MOV10: variants seen among roughly 807,000 people sequenced by gnomAD.
The protein encoded by MOV10 is RNA helicase MOV-10.
MOV10 carries 39 observed loss-of-function variants against 108.4 expected under a neutral mutation model. That is an observed-to-expected ratio of 0.36 (90% CI 0.28 to 0.47). The LOEUF is 0.47. Ranked by LOEUF, MOV10 falls within the 20% of genes least tolerant of loss-of-function variation. MOV10 has a pLI of 1.00. For synonymous variants in MOV10, 490 were observed against 523.1 expected, an observed-to-expected ratio of 0.94 and a Z score of 0.86; for missense variants, 952 against 1,297.6, an observed-to-expected ratio of 0.73 and a Z score of 4.09.
intron 17 of MOV10, chr1:112,699,067 T>G: frequency 2.4e-6 from 1 of 422,526 alleles, no homozygotes; most frequent in Non-Finnish European, 4.3e-6. Flanking sequence ...CCAAATTCCG[T>G]GGCCTGTCAT....
At position 112,675,157 on chromosome 1, in the gene MOV10, C is replaced by T. The variant is rs557989467; in HGVS notation, c.137+108C>T. ...CCGGGGCGCAGAGGGACGCAGCTCCCCCAGCGGCTCAGGCCAGTCCCGGGG... is the reference window on the plus strand; with the variant it reads ...CCGGGGCGCAGAGGGACGCAGCTCCTCCAGCGGCTCAGGCCAGTCCCGGGG... On this transcript the variant is annotated intron_variant, in intron 2 of 20. Transcript: ENST00000369645. This position sits in a 1 kb window ranked among gnomAD's most constrained non-coding sequence, Gnocchi z 4.7. The T allele has an allele frequency of 1.7e-3, 2,282 of 1,358,874 alleles. 39 individuals carry two copies. The African/African-American group carries it at 0.029, about 17-fold the overall frequency. The allele number at this position is 1,358,874 out of a possible 1,614,324, so 84.2% of individuals were successfully genotyped here.
chr1:112,697,737 G>T, intron 14 of MOV10: 1 of 391,658 alleles, frequency 2.6e-6, no homozygotes, highest in Middle Eastern at 7.4e-4. Flanking sequence ...ACCTGAAAAT[G>T]GGCCCCTAAT....
chr1:112,686,376 C>T, intron 2 of MOV10, among the ~76,000 whole-genome samples: 1 of 152,114 alleles, frequency 6.6e-6, no homozygotes, highest in East Asian at 1.9e-4. Context: ...GATTTCAGTC[C>T]CTGTATTACT....
In MOV10 at chr1:112,694,374, G is replaced by T; in HGVS notation, c.1296-79G>T. ...CTTGGAAAGAGGGGTTGGGACACTG[G>T]TTGGTGGAGAAAGTTCTGGCCCTTT... On this transcript the variant is annotated intron_variant, in intron 8 of 20. Coordinates refer to ENST00000369645, the MANE Select transcript of MOV10 (RefSeq NM_001321324.2). This position sits in a 1 kb window ranked among gnomAD's most constrained non-coding sequence, Gnocchi z 4.1. The T allele has an allele frequency of 6.4e-7, 1 of 1,569,112 alleles. No homozygotes were observed.
In MOV10 at chr1:112,699,928, T is replaced by C. The variant is rs1674491661; in HGVS notation, c.2744T>C (p.Leu915Pro). 2 of 1,614,224 alleles carry C rather than the reference T, an allele frequency of 1.2e-6. No individual in the cohort carries two copies. Among genetic ancestry groups the C allele is most frequent in the Non-Finnish European group, 1.7e-6 (2 of 1,180,026 alleles). The stretch of plus-strand genomic sequence containing the variant: ...GTAGCTGTGACCCGGGCCAAGGCCC[T>C]GCTCATCATCGTGGGGAACCCCCTT... Reference protein sequence around the residue: ...FNVAVTRAKALLIIVGNPLLL... With the variant: ...FNVAVTRAKAPLIIVGNPLLL... The change falls in exon 19 of 21, where the codon CTG (leucine) becomes CCG (proline). Residue 915 changes from leucine (L) to proline (P), a missense_variant. Around this residue, in one of 5 missense-constraint regions of MOV10, gnomAD observed 65 missense variants for 124.3 expected, o/e 0.52. Transcript: ENST00000369645.
Position 112,694,442 on chromosome 1 carries a change from T to C in MOV10, c.1296-11T>C. On this transcript the variant is annotated splice_polypyrimidine_tract_variant and intron_variant, in intron 8 of 20. Transcript: ENST00000369645. This position sits in a 1 kb window ranked among gnomAD's most constrained non-coding sequence, Gnocchi z 4.1. ...CCCCAACAAACTCTTACCACCTCTCTCTGCCCAAAGCCTCCTGAGCCGCTT... is the reference window on the plus strand; with the variant it reads ...CCCCAACAAACTCTTACCACCTCTCCCTGCCCAAAGCCTCCTGAGCCGCTT... 6.2e-7 allele frequency: 1 copy of C among 1,613,870 alleles called. No individual in the cohort carries two copies. The highest frequency in any genetic ancestry group is 8.5e-7 in the Non-Finnish European group (1 of 1,180,006).
chr1:112,700,057 C>T (rs1055509296), intron 19 of MOV10, 75 bp downstream of exon 19: 13 of 1,590,870 alleles, frequency 8.2e-6, no homozygotes, highest in Non-Finnish European at 1.1e-5. Flanking sequence ...TTTTTAAGCG[C>T]TTGCTTATCG....
rs200470042 is a variant in MOV10 at position 112,689,950 on chromosome 1, G to A, written c.688G>A (p.Gly230Ser). 6 of 1,614,040 alleles carry A rather than the reference G, an allele frequency of 3.7e-6. No individual in the cohort carries two copies. The highest frequency in any genetic ancestry group is 2.2e-5 in the East Asian group (1 of 44,894). The change falls in exon 5 of 21, where the codon GGC becomes AGC. Residue 230 changes from glycine to serine, a missense_variant. Transcript: ENST00000369645. ...TGGGGAGTCGGGTTCAGAAGGAGCC[G>A]GCACATTCTACATTGCCCGCTTCTT... ...GPGESGSEGA[G>S]TFYIARFLAA...
At chr1:112,685,498 T>G (rs1468137564) in intron 2 of MOV10, among the ~76,000 whole-genome samples, 2 of 151,504 alleles carry the variant, frequency 1.3e-5, no homozygotes, top group East Asian at 3.9e-4. Flanking sequence ...CTACTAAAAA[T>G]AGAAAAATTA....
Position 112,680,517 on chromosome 1 carries a change from G to A in MOV10, c.137+5468G>A, listed in dbSNP as rs187303158. Among the ~76,000 whole-genome samples, 300 of 151,236 alleles carry A rather than the reference G, an allele frequency of 2.0e-3. 3 individuals are homozygous for A. The highest frequency in any genetic ancestry group is 0.013 in the Admixed American group (195 of 15,216). On this transcript the variant is annotated intron_variant, in intron 2 of 20. Coordinates refer to ENST00000369645, the MANE Select transcript of MOV10 (RefSeq NM_001321324.2). ...TAAAAATACAAAAAATTAGCTGGGC[G>A]TGGTGGCGGGCGCCTGTAGTCCCAG... is the stretch of plus-strand genomic sequence containing the variant.
Position 112,699,708 on chromosome 1 carries a change from A to T in MOV10, c.2607A>T (p.Gln869His). ...DLKVGSVEEF[Q>H]GQERSVILIS... ...AGGTGGGTTCAGTAGAAGAATTCCA[A>T]GGCCAAGAACGAAGCGTCATCCTCA... Residue 869 changes from glutamine to histidine, a missense_variant, in exon 18 of 21, where the codon CAA becomes CAT. This residue lies in a region of MOV10 where 453 missense variants were observed against 611.5 expected (regional missense o/e 0.74). Transcript: ENST00000369645. 1 of 1,614,226 alleles carries T rather than the reference A, an allele frequency of 6.2e-7. No individual in the cohort carries two copies. The highest frequency in any genetic ancestry group is 8.5e-7 in the Non-Finnish European group (1 of 1,180,038).
rs769104261 is a variant in MOV10, at chr1:112,691,698, G to A, written c.870G>A (p.Ala290=). ...AKGYDLELSM[A]LGTYYPPPRL... Reference sequence around the variant, plus strand: ...GCTATGACCTGGAGTTAAGTATGGCGCTGGGGACATACTACCCACCTCCCC... The same window carrying A: ...GCTATGACCTGGAGTTAAGTATGGCACTGGGGACATACTACCCACCTCCCC... The change falls in exon 6 of 21, where the codon GCG becomes GCA. Residue 290 remains alanine (A), a synonymous_variant. Coordinates refer to ENST00000369645, the MANE Select transcript of MOV10 (RefSeq NM_001321324.2). 24 of 1,613,968 alleles carry A rather than the reference G, an allele frequency of 1.5e-5. No individual in the cohort carries two copies. Among genetic ancestry groups the A allele is most frequent in the Non-Finnish European group, 2.0e-5 (24 of 1,180,010 alleles).
intron 2 of MOV10, among the ~76,000 whole-genome samples, chr1:112,684,644 A>G (rs879512909): frequency 1.1e-4 from 16 of 152,376 alleles, no homozygotes; most frequent in Admixed American, 9.1e-4. Context: ...AAAGATGGCA[A>G]TACTTGACTC....
intron 2 of MOV10, chr1:112,687,184 G>T: frequency 8.7e-6 from 3 of 344,696 alleles, no homozygotes; most frequent in South Asian, 6.6e-5. Flanking sequence ...AACAATAGTA[G>T]CTAACATTTA....
rs755282300 is a variant in MOV10 at position 112,689,800 on chromosome 1, G to A, written c.578-40G>A. ...GTGTCCGGGATAAGGATATGGGTGG[G>A]AGGGTCCCTACCCCCATTCACTCAT... On this transcript the variant is annotated intron_variant, in intron 4 of 20. Coordinates refer to ENST00000369645, the MANE Select transcript of MOV10 (RefSeq NM_001321324.2). 1.3e-5 allele frequency: 21 copies of A among 1,602,840 alleles called. No individual in the cohort carries two copies. The African/African-American group carries it at 1.6e-4, about 12-fold the overall frequency.
intron 17 of MOV10, 76 bp from the exon 18 acceptor site, chr1:112,699,609 G>A (rs537856569): frequency 2.1e-4 from 342 of 1,598,030 alleles, no homozygotes; most frequent in Non-Finnish European, 2.8e-4. Flanking sequence ...ACCCTCCTTG[G>A]AAGGCAAGCT....
chr1:112,691,835 T>C, intron 6 of MOV10, 36 bp downstream of exon 6: 1 of 1,593,352 alleles, frequency 6.3e-7, no homozygotes, highest in Non-Finnish European at 8.6e-7. Context: ...CACTCTCCCG[T>C]CTTTTACCTA....
At chr1:112,685,047 C>G (rs1240992487) in intron 2 of MOV10, 5 of 151,926 alleles carry the variant, frequency 3.3e-5, no homozygotes, top group Non-Finnish European at 7.4e-5. Context: ...ACAGGGTTAC[C>G]CAAGCTCTGT....
At chr1:112,693,009 G>A in intron 7 of MOV10, 80 bp downstream of exon 7, 1 of 1,366,376 alleles carries the variant, frequency 7.3e-7, no homozygotes, top group Non-Finnish European at 1.0e-6. Flanking sequence ...ATTCCTGACA[G>A]CAGGGCAGAA....
Sources: allele counts gnomAD v4.1 joint callset (sites outside exome capture counted in the v4.1 genomes callset), GRCh38; gene constraint gnomAD v4.1.1; regional missense constraint gnomAD v4.1.1; non-coding constraint Gnocchi (gnomAD v3.1); transcripts MANE v1.5; gene names NCBI Gene and HGNC (gene_info 2026-07-23, HGNC 2026-07-21).